The following SLC6A6 variants were observed in gnomAD, a reference collection of about 807,000 sequenced individuals.
The protein encoded by SLC6A6 is solute carrier family 6 member 6.
A neutral mutation model predicts 68.8 loss-of-function variants in SLC6A6; 16 were observed. That is an observed-to-expected ratio of 0.23 (90% CI 0.16 to 0.35). The LOEUF is 0.35. Ranked by LOEUF, SLC6A6 falls within the 10% of genes least tolerant of loss-of-function variation. SLC6A6 has a pLI of 1.00. For synonymous variants in SLC6A6, 312 were observed against 315.4 expected (o/e 0.99, Z 0.12); for missense variants, 474 against 802.8 (o/e 0.59, Z 4.95).
chr3:14,463,909 C>T (rs1405520779), intron 6 of SLC6A6, among the ~76,000 whole-genome samples: 7 of 152,210 alleles, frequency 4.6e-5, no homozygotes, highest in Non-Finnish European at 7.3e-5. Flanking sequence ...GAATGCTCAC[C>T]GCAGGCCAGG....
intron 14 of SLC6A6, among the ~76,000 whole-genome samples, chr3:14,482,559 C>T (rs1701032746): frequency 6.6e-6 from 1 of 152,200 alleles, no homozygotes; most frequent in African/African-American, 2.4e-5. Context: ...TTGTTCTGGG[C>T]TGTTTTTATT....
intron 1 of SLC6A6, among the ~76,000 whole-genome samples, chr3:14,409,819 C>T (rs563518193): frequency 6.6e-6 from 1 of 151,524 alleles, no homozygotes; most frequent in Non-Finnish European, 1.5e-5. Context: ...ACCTTCTCTG[C>T]CCACCCACTT....
intron 7 of SLC6A6, among the ~76,000 whole-genome samples, chr3:14,467,445 C>T (rs1301230382): frequency 6.6e-6 from 1 of 152,090 alleles, no homozygotes; most frequent in Non-Finnish European, 1.5e-5. Flanking sequence ...ACGGGCTTGC[C>T]ATGTAACTGG....
At chr3:14,420,489 CTTT>C (rs763732632) in intron 2 of SLC6A6, among the ~76,000 whole-genome samples, 2 of 128,094 alleles carry the variant, frequency 1.6e-5, no homozygotes. Context: ...AACCACTCTG[CTTT>C]TTTTTTTTTT....
chr3:14,459,316 G>T (rs1264259550), intron 6 of SLC6A6, among the ~76,000 whole-genome samples: 2 of 152,214 alleles, frequency 1.3e-5, no homozygotes, highest in Non-Finnish European at 2.9e-5. Flanking sequence ...GAGGGTTGAG[G>T]AATGTGTCTC....
In SLC6A6 at chr3:14,461,165, G is replaced by A. The variant is rs150025034; in HGVS notation, c.732+3083G>A. ...AATCCATTCAACAAATAGTGATAACGGTGGCGAAAGCGCAGTAGCCTGTGA... is the reference window on the plus strand; with the variant it reads ...AATCCATTCAACAAATAGTGATAACAGTGGCGAAAGCGCAGTAGCCTGTGA... On this transcript the variant is annotated intron_variant, in intron 6 of 14. Coordinates refer to ENST00000622186, the MANE Select transcript of SLC6A6 (RefSeq NM_003043.6). Among the ~76,000 whole-genome samples, 6 of 152,366 alleles carry A rather than the reference G, an allele frequency of 3.9e-5. No individual in the cohort carries two copies. In the East Asian group the frequency reaches 5.8e-4, roughly 15 times the overall value.
At chr3:14,407,609 A>G (rs1699139823) in intron 1 of SLC6A6, among the ~76,000 whole-genome samples, 1 of 151,036 alleles carries the variant, frequency 6.6e-6, no homozygotes, top group Admixed American at 6.6e-5. Context: ...GTCTCAGATG[A>G]TCCTCCCACC....
Position 14,477,276 on chromosome 3 carries a change from T to C in SLC6A6, c.1281T>C (p.Arg427=). The C allele has an allele frequency of 1.2e-6, 2 of 1,614,026 alleles. No individual in the cohort carries two copies. Among genetic ancestry groups the C allele is most frequent in the East Asian group, 4.5e-5 (2 of 44,876 alleles). The change falls in exon 11 of 15, where the codon CGT becomes CGC. Residue 427 remains arginine, a synonymous_variant. Coordinates refer to ENST00000622186, the MANE Select transcript of SLC6A6 (RefSeq NM_003043.6). The surrounding 1 kb of genome is among the most constrained non-coding windows in gnomAD (Gnocchi z 4.2). ...LYPSFLRKGY[R]REIFIAFVCS... ...CATCCTTCCTAAGGAAGGGTTATCG[T>C]CGGGAAATCTTCATCGCCTTCGTGT...
intron 1 of SLC6A6, among the ~76,000 whole-genome samples, chr3:14,404,316 G>T (rs1456979181): frequency 6.6e-6 from 1 of 152,132 alleles, no homozygotes; most frequent in Non-Finnish European, 1.5e-5. Context: ...GAGTCACCCA[G>T]GGATTGTGGG....
chr3:14,435,305 C>A (rs1313341605), intron 2 of SLC6A6, among the ~76,000 whole-genome samples: 1 of 152,144 alleles, frequency 6.6e-6, no homozygotes, highest in Admixed American at 6.5e-5. Context: ...GGCTTTTCTG[C>A]AGGGCTTAGT....
At chr3:14,478,967 A>G (rs767296561) in intron 12 of SLC6A6, 118 bp from the exon 13 acceptor site, 30 of 682,530 alleles carry the variant, frequency 4.4e-5, no homozygotes, top group Middle Eastern at 7.8e-4. Context: ...ACACTTGTAT[A>G]TCCATGGTGT....
At chr3:14,427,973 T>C (rs926991361) in intron 2 of SLC6A6, among the ~76,000 whole-genome samples, 1 of 152,186 alleles carries the variant, frequency 6.6e-6, no homozygotes, top group African/African-American at 2.4e-5. Context: ...GGCCCTCGGC[T>C]CCTCCACTCT....
At chr3:14,410,858 G>A (rs1699238189) in intron 1 of SLC6A6, among the ~76,000 whole-genome samples, 1 of 152,212 alleles carries the variant, frequency 6.6e-6, no homozygotes, top group Admixed American at 6.5e-5. Context: ...GAGTGTGGTT[G>A]GCCAGCGATT....
intron 1 of SLC6A6, among the ~76,000 whole-genome samples, chr3:14,414,449 G>A (rs1699319771): frequency 6.6e-6 from 1 of 152,152 alleles, no homozygotes; most frequent in Non-Finnish European, 1.5e-5. Flanking sequence ...GTCTCCTCCT[G>A]GAACAGGTTT....
At chr3:14,455,639 G>A (rs1258717969) in intron 5 of SLC6A6, among the ~76,000 whole-genome samples, 2 of 152,212 alleles carry the variant, frequency 1.3e-5, no homozygotes, top group Non-Finnish European at 2.9e-5. Flanking sequence ...GCACCTGGTG[G>A]GCCTGGGAGA....
rs2125001924 is a variant in SLC6A6 at position 14,484,106 on chromosome 3, T to C, written c.1723-761T>C. The stretch of plus-strand genomic sequence containing the variant: ...CTGCTGGCCTATTCAAGTCTCTGAG[T>C]TGACAGTTGGCAAGAGGTGGACTGG... On this transcript the variant is annotated intron_variant, in intron 14 of 14. Transcript: ENST00000622186. Among the ~76,000 whole-genome samples the C allele has an allele frequency of 1.3e-5, 2 of 152,318 alleles. 1 individual carries two copies. Among genetic ancestry groups the C allele is most frequent in the South Asian group, 4.1e-4 (2 of 4,832 alleles).
At position 14,447,927 on chromosome 3, in the gene SLC6A6, G is replaced by A. The variant is rs1700167926; in HGVS notation, c.599+111G>A. ...AGGAGCCACTGTCTTCGGGGGAGTG[G>A]GAGGAGGGTGCAGATCTGGAGATAA... On this transcript the variant is annotated intron_variant, in intron 5 of 14. Coordinates refer to ENST00000622186, the MANE Select transcript of SLC6A6 (RefSeq NM_003043.6). The A allele has an allele frequency of 2.0e-6, 3 of 1,508,194 alleles. No homozygotes were observed. In the Admixed American group the frequency reaches 6.2e-5, roughly 31 times the overall value. The allele number at this position is 1,508,194 out of a possible 1,614,324, so 93.4% of individuals were successfully genotyped here.
At chr3:14,462,535 T>TA (rs1267539800) in intron 6 of SLC6A6, among the ~76,000 whole-genome samples, 3 of 152,018 alleles carry the variant, frequency 2.0e-5, no homozygotes, top group African/African-American at 7.3e-5. Context: ...CTGTTTCTAC[T>TA]AAAAAATACA....
intron 10 of SLC6A6, among the ~76,000 whole-genome samples, chr3:14,475,802 G>A (rs900612695): frequency 3.3e-5 from 5 of 152,154 alleles, no homozygotes; most frequent in Non-Finnish European, 5.9e-5. Flanking sequence ...AAACCCCTGC[G>A]GCAGACACAT....
Sources: allele counts gnomAD v4.1 joint callset (sites outside exome capture counted in the v4.1 genomes callset), GRCh38; gene constraint gnomAD v4.1.1; non-coding constraint Gnocchi (gnomAD v3.1); transcripts MANE v1.5; gene names NCBI Gene and HGNC (gene_info 2026-07-23, HGNC 2026-07-21).